Variants in ERFE observed in about 807,000 individuals in gnomAD.
ERFE encodes erythroferrone.
ERFE carries 25 observed loss-of-function variants against 26.6 expected under a neutral mutation model. That is an observed-to-expected ratio of 0.94 (90% CI 0.69 to 1.31). The LOEUF is 1.31. ERFE is among the 40% of genes most tolerant of loss of function. ERFE has a pLI of 0.00. For missense variants in ERFE, 447 were observed against 440.2 expected, an observed-to-expected ratio of 1.02 and a Z score of -0.14; for synonymous variants, 206 against 204.5, an observed-to-expected ratio of 1.01 and a Z score of -0.06.
intron 2 of ERFE, among the ~76,000 whole-genome samples, chr2:238,162,488 C>T (rs1481336904): frequency 2.0e-5 from 3 of 152,262 alleles, no homozygotes; most frequent in African/African-American, 7.2e-5. Context: ...GAGCGGGCTT[C>T]AGCCCTCTGC....
Position 238,164,007 on chromosome 2 carries a change from C to T in ERFE, c.687+8C>T. The T allele has an allele frequency of 1.5e-6, 2 of 1,376,936 alleles. No individual in the cohort carries two copies. The highest frequency in any genetic ancestry group is 1.9e-6 in the Non-Finnish European group (2 of 1,072,014). The allele number at this position is 1,376,936 out of a possible 1,614,324, so 85.3% of individuals were successfully genotyped here. On this transcript the variant is annotated splice_region_variant and intron_variant, in intron 4 of 7. Coordinates refer to ENST00000546354, the MANE Select transcript of ERFE (RefSeq NM_001291832.2). ...CTTGGCGTCTACTACCTGGTGAGTG[C>T]CGGCGCGCGGGAGGGCGGGTGAGTC...
rs1559282532 is a variant in ERFE at position 238,164,380 on chromosome 2, G to GA, written c.887+21dup. 6.5e-7 allele frequency: 1 copy of GA among 1,542,014 alleles called. No individual in the cohort carries two copies. The highest frequency in any genetic ancestry group is 2.5e-5 in the East Asian group (1 of 40,604). ...CAACGCGTGAGTGTACCCCGGCCCG[G>GA]ACCCCACACCCGCATTCGCTCGGCC... is the stretch of plus-strand genomic sequence containing the variant. On this transcript the variant is annotated intron_variant, in intron 6 of 7. Transcript: ENST00000546354.
rs1298751704 is a variant in ERFE, at chr2:238,161,623, C to G, written c.228C>G (p.Val76=). ...PEPTAERAHS[V]DPRDAWMLFV... ...CCACCGCTGAGCGTGCACACAGCGT[C>G]GACCCCCGGGACGCCTGGATGCTCT... Residue 76 remains valine (V), a synonymous_variant, in exon 2 of 8, where the codon GTC becomes GTG. Coordinates refer to ENST00000546354, the MANE Select transcript of ERFE (RefSeq NM_001291832.2). The G allele has an allele frequency of 1.3e-6, 2 of 1,545,562 alleles. No individual in the cohort carries two copies. Among genetic ancestry groups the G allele is most frequent in the Non-Finnish European group, 8.7e-7 (1 of 1,142,974 alleles).
At chr2:238,165,523 G>C in intron 6 of ERFE, 83 bp from the exon 7 acceptor site, 1 of 1,203,194 alleles carries the variant, frequency 8.3e-7, no homozygotes, top group Admixed American at 2.0e-5. Flanking sequence ...GGCATGTGTT[G>C]GCTGCTGGCA....
rs887114840 is a variant in ERFE at position 238,166,969 on chromosome 2, C to A, written c.980C>A (p.Thr327Asn). 3.2e-6 allele frequency: 5 copies of A among 1,550,494 alleles called. No individual in the cohort carries two copies. The highest frequency in any genetic ancestry group is 1.2e-5 in the South Asian group (1 of 84,066). Residue 327 changes from threonine (T) to asparagine (N), a missense_variant, in exon 8 of 8, where the codon ACC (threonine) becomes AAC (asparagine). Transcript: ENST00000546354. ...CCCTCCTTGCAGATGGGGCAGTGGA[C>A]CTCCGTGTTCTTGGACAACGCCAGC... ...GVLYLQMGQW[T>N]SVFLDNASGC...
chr2:238,165,597 T>G lies in ERFE; in HGVS notation c.888-9T>G. 1.9e-6 allele frequency: 3 copies of G among 1,544,018 alleles called. No homozygotes were observed. Among genetic ancestry groups the G allele is most frequent in the Non-Finnish European group, 2.6e-6 (3 of 1,141,512 alleles). On this transcript the variant is annotated splice_polypyrimidine_tract_variant and intron_variant, in intron 6 of 7. Coordinates refer to ENST00000546354, the MANE Select transcript of ERFE (RefSeq NM_001291832.2). ...GGGCAGGCTGACCCTCCCTCTGTTT[T>G]GGGTACAGCTCCCTGGAGGCCATCA...
At position 238,162,781 on chromosome 2, in the gene ERFE, C is replaced by T. The variant is rs1250021290; in HGVS notation, c.367C>T (p.Pro123Ser). ...PPGPPGPQGP[P>S]GPIIPPEALL... ...TGGGCCTCCCGGTCCCCAGGGCCCC[C>T]CAGGCCCCATCATCCCACCCGAGGC... is the stretch of plus-strand genomic sequence containing the variant. Residue 123 changes from proline (P) to serine (S), a missense_variant, in exon 3 of 8, where the codon CCA becomes TCA. Transcript: ENST00000546354. 2 of 1,550,274 alleles carry T rather than the reference C, an allele frequency of 1.3e-6. No homozygotes were observed. Among genetic ancestry groups the T allele is most frequent in the Admixed American group, 2.0e-5 (1 of 51,006 alleles).
At chr2:238,164,647 G>A (rs994751708) in intron 6 of ERFE, 2 of 425,810 alleles carry the variant, frequency 4.7e-6, no homozygotes, top group South Asian at 2.6e-5. Flanking sequence ...GAGGTCAGGA[G>A]ATCGAGACCA....
chr2:238,164,233 G>A, intron 5 of ERFE, 37 bp from the exon 6 acceptor site: 3 of 1,410,712 alleles, frequency 2.1e-6, no homozygotes, highest in Non-Finnish European at 2.8e-6. Context: ...CCACCCCGCC[G>A]CCCGCCCGCT....
chr2:238,160,901 A>C (rs777425692), intron 1 of ERFE, among the ~76,000 whole-genome samples: 39 of 151,988 alleles, frequency 2.6e-4, no homozygotes, highest in Non-Finnish European at 5.1e-4. Flanking sequence ...CCCTCCCAAA[A>C]CTGTGCTCAG....
At chr2:238,165,712 G>A in intron 7 of ERFE, 28 bp downstream of exon 7, 1 of 1,541,308 alleles carries the variant, frequency 6.5e-7, no homozygotes, top group Non-Finnish European at 8.8e-7. Context: ...GGGCATCGAG[G>A]GGCACCGCCT....
At position 238,168,557 on chromosome 2, in the gene ERFE, G is replaced by C. The variant is rs1225797086; in HGVS notation, c.*1503G>C. On this transcript the variant is annotated 3_prime_UTR_variant, in exon 8 of 8. Transcript: ENST00000546354. ...AGCCCAGCTTCCAAACCCCAACATC[G>C]AATCAAACATCTCCATCCCCAAGTG... is the stretch of plus-strand genomic sequence containing the variant. The C allele has an allele frequency of 4.7e-6, 2 of 429,518 alleles. No homozygotes were observed. The highest frequency in any genetic ancestry group is 2.1e-5 in the African/African-American group (1 of 48,546). The allele number at this position is 429,518 out of a possible 1,614,324, so 26.6% of individuals were successfully genotyped here.
chr2:238,164,257 C>A lies in ERFE; in HGVS notation c.797-13C>A. 6.7e-7 allele frequency: 1 copy of A among 1,491,598 alleles called. No individual in the cohort carries two copies. Among genetic ancestry groups the A allele is most frequent in the Admixed American group, 2.2e-5 (1 of 45,646 alleles). The allele number at this position is 1,491,598 out of a possible 1,614,324, so 92.4% of individuals were successfully genotyped here. On this transcript the variant is annotated splice_polypyrimidine_tract_variant and intron_variant, in intron 5 of 7. Transcript: ENST00000546354. ...CGCCCGCCCGCTTGACCACGTCCCA[C>A]CCTCCCCCGCAGCGCTCGGGGAGCC...
chr2:238,163,136 C>T (rs1464518718), intron 3 of ERFE, among the ~76,000 whole-genome samples: 2 of 152,186 alleles, frequency 1.3e-5, no homozygotes, highest in Non-Finnish European at 2.9e-5. Context: ...CAGGGACCAG[C>T]GCCTATGCCC....
chr2:238,163,836 G>T lies in ERFE; in HGVS notation c.524G>T (p.Gly175Val). 1 of 1,322,178 alleles carries T rather than the reference G, an allele frequency of 7.6e-7. No homozygotes were observed. The allele number at this position is 1,322,178 out of a possible 1,614,324, so 81.9% of individuals were successfully genotyped here. A position where few individuals can be genotyped will look rare whatever the true frequency, so the allele number is the denominator to read the frequency against. Residue 175 changes from glycine (G) to valine (V), a missense_variant, in exon 4 of 8, where the codon GGG (glycine) becomes GTG (valine). By Grantham distance (109) the Gly-to-Val change is moderately radical. Coordinates refer to ENST00000546354, the MANE Select transcript of ERFE (RefSeq NM_001291832.2). ...CTCGCCCCGGTCTCGGCCACCGCCGGGGAGGACGACGACGACGTGGTGGGG... is the reference window on the plus strand; with the variant it reads ...CTCGCCCCGGTCTCGGCCACCGCCGTGGAGGACGACGACGACGTGGTGGGG... ...ASLAPVSATA[G>V]EDDDDVVGDV... is the part of the protein sequence containing the mutation.
At position 238,164,240 on chromosome 2, in the gene ERFE, C is replaced by T. The variant is rs537981674; in HGVS notation, c.797-30C>T. On this transcript the variant is annotated intron_variant, in intron 5 of 7. Transcript: ENST00000546354. ...TCTGTCGCCCACCCCGCCGCCCGCC[C>T]GCTTGACCACGTCCCACCCTCCCCC... The T allele has an allele frequency of 2.8e-3, 4,096 of 1,447,954 alleles. 72 individuals carry two copies. In the Admixed American group the frequency reaches 0.033, roughly 12 times the overall value. 89.7% of individuals were successfully genotyped at this position (1,447,954 alleles called of 1,614,324 possible).
Position 238,164,083 on chromosome 2 carries a change from C to A in ERFE, c.696C>A (p.Ala232=). 7.0e-7 allele frequency: 1 copy of A among 1,423,144 alleles called. No homozygotes were observed. Among genetic ancestry groups the A allele is most frequent in the Non-Finnish European group, 9.2e-7 (1 of 1,092,192 alleles). The allele number at this position is 1,423,144 out of a possible 1,614,324, so 88.2% of individuals were successfully genotyped here. A position where few individuals can be genotyped will look rare whatever the true frequency, so the allele number is the denominator to read the frequency against. Residue 232 remains alanine, a synonymous_variant, in exon 5 of 8, where the codon GCC becomes GCA. Coordinates refer to ENST00000546354, the MANE Select transcript of ERFE (RefSeq NM_001291832.2). ...HELGVYYLPD[A]EGAFRRGPGL... The stretch of plus-strand genomic sequence containing the variant: ...ATCCGTGCCCCTCGCAGCCCGACGC[C>A]GAGGGTGCCTTCCGCCGCGGCCCGG...
rs1343261162 is a variant in ERFE at position 238,163,840 on chromosome 2, GGAC to G, written c.539_541del (p.Asp180del). The G allele has an allele frequency of 2.1e-5, 28 of 1,320,502 alleles. No individual in the cohort carries two copies. The highest frequency in any genetic ancestry group is 1.5e-4 in the South Asian group (7 of 45,946). The allele number at this position is 1,320,502 out of a possible 1,614,324, so 81.8% of individuals were successfully genotyped here. On this transcript the variant is annotated inframe_deletion, in exon 4 of 8. Coordinates refer to ENST00000546354, the MANE Select transcript of ERFE (RefSeq NM_001291832.2). ...CCCCGGTCTCGGCCACCGCCGGGGA[GGAC>G]GACGACGACGTGGTGGGGGACGTGC... is the stretch of plus-strand genomic sequence containing the variant.
intron 5 of ERFE, 26 bp from the exon 6 acceptor site, chr2:238,164,244 T>G (rs1468609634): frequency 2.1e-6 from 3 of 1,451,864 alleles, no homozygotes; most frequent in African/African-American, 3.0e-5. Context: ...CCCGCCCGCT[T>G]GACCACGTCC....
Sources: gnomAD v4.1 joint callset for allele counts (sites outside exome capture counted in the v4.1 genomes callset) on GRCh38, gnomAD v4.1.1 for gene constraint, MANE v1.5 for transcripts, NCBI Gene and HGNC (gene_info 2026-07-23, HGNC 2026-07-21) for gene names.